The following GALNT13 variants were observed in gnomAD, a reference collection of about 807,000 sequenced individuals.
The protein encoded by GALNT13 is UDP-GalNAc:polypeptide N-acetylgalactosaminyltransferase 13.
In GALNT13, 28 loss-of-function variants were observed where a neutral mutation model predicts 64.2. The observed-to-expected ratio is 0.44, with a 90% confidence interval of 0.32 to 0.60. The LOEUF (loss-of-function observed/expected upper bound fraction) is 0.60. Ranked by LOEUF, GALNT13 falls within the 20% of genes least tolerant of loss-of-function variation. The pLI is 0.05. For synonymous variants in GALNT13, 214 were observed against 224.6 expected, an observed-to-expected ratio of 0.95 and a Z score of 0.42; for missense variants, 577 against 669.8, an observed-to-expected ratio of 0.86 and a Z score of 1.53.
the GALNT13 span, among the ~76,000 whole-genome samples, chr2:153,164,499 T>C: frequency 3.9e-5 from 6 of 152,324 alleles, no homozygotes; most frequent in East Asian, 9.7e-4. Context: ...TTTTGTTTTA[T>C]TGAGGTATAA....
the GALNT13 span, among the ~76,000 whole-genome samples, chr2:153,498,926 C>T: frequency 6.6e-6 from 1 of 152,180 alleles, no homozygotes; most frequent in South Asian, 2.1e-4. Context: ...CCGCTCACTG[C>T]AAGCTCCGCC....
chr2:154,240,802 G>GC (rs1689441351), intron 4 of GALNT13, among the ~76,000 whole-genome samples: 1 of 152,180 alleles, frequency 6.6e-6, no homozygotes, highest in Non-Finnish European at 1.5e-5. Flanking sequence ...TTGGTGTACC[G>GC]GAAGAGTCAC....
the GALNT13 span, among the ~76,000 whole-genome samples, chr2:153,248,816 GA>G: frequency 4.4e-5 from 6 of 136,068 alleles, no homozygotes; most frequent in Middle Eastern, 4.0e-3. Context: ...ACTCTGTCTC[GA>G]AAAAAAAAAA....
chr2:154,398,052 A>T (rs1699137147), intron 10 of GALNT13, among the ~76,000 whole-genome samples: 1 of 152,214 alleles, frequency 6.6e-6, no homozygotes, highest in South Asian at 2.1e-4. Context: ...TAGTCTTTGC[A>T]TGTTAGTTAT....
chr2:154,018,435 T>C (rs2105268523), intron 3 of GALNT13, among the ~76,000 whole-genome samples: 1 of 152,262 alleles, frequency 6.6e-6, no homozygotes, highest in East Asian at 1.9e-4. Context: ...TAGATATCAG[T>C]CTCTGCGGTC....
the GALNT13 span, among the ~76,000 whole-genome samples, chr2:153,481,073 A>G: frequency 6.6e-6 from 1 of 152,092 alleles, no homozygotes; most frequent in Admixed American, 6.5e-5. Flanking sequence ...AGGTTTAAGG[A>G]CTAATTAGTC....
At chr2:153,074,907 A>T in the GALNT13 span, among the ~76,000 whole-genome samples, 1 of 152,060 alleles carries the variant, frequency 6.6e-6, no homozygotes, top group Non-Finnish European at 1.5e-5. Context: ...TAATTTTTAA[A>T]CTTTTTATAA....
chr2:154,070,259 C>T (rs981046), intron 3 of GALNT13, among the ~76,000 whole-genome samples: 114,911 of 152,090 alleles, frequency 0.76, 43,790 homozygotes, highest in East Asian at 0.96. Flanking sequence ...AAGTGGTGTT[C>T]CATGTTGCTT....
chr2:153,905,737 C>CT (rs1192780532), intron 2 of GALNT13, among the ~76,000 whole-genome samples: 1 of 152,024 alleles, frequency 6.6e-6, no homozygotes, highest in African/African-American at 2.4e-5. Context: ...GAGCAAACAA[C>CT]TTTTTCCCTT....
At chr2:153,822,633 G>T in the GALNT13 span, among the ~76,000 whole-genome samples, 16 of 151,896 alleles carry the variant, frequency 1.1e-4, no homozygotes, top group African/African-American at 3.9e-4. Context: ...GTACTGAATG[G>T]ACAAAAGCTG....
At chr2:154,013,719 G>T (rs1432648761) in intron 3 of GALNT13, among the ~76,000 whole-genome samples, 1 of 152,196 alleles carries the variant, frequency 6.6e-6, no homozygotes, top group Non-Finnish European at 1.5e-5. Context: ...GCTGGCAGGG[G>T]TGGGCAAGGC....
intron 11 of GALNT13, chr2:154,437,366 C>G (rs1198095782): frequency 2.3e-5 from 7 of 309,694 alleles, no homozygotes; most frequent in Non-Finnish European, 4.1e-5. Context: ...GCTTACGGAG[C>G]TCCAGAGTTT....
chr2:154,193,069 G>A (rs544376445), intron 4 of GALNT13, among the ~76,000 whole-genome samples: 1 of 152,180 alleles, frequency 6.6e-6, no homozygotes, highest in Admixed American at 6.5e-5. Context: ...GTGTTTGTGT[G>A]TCAGATCAAC....
At chr2:153,103,258 G>A in the GALNT13 span, among the ~76,000 whole-genome samples, 6 of 151,614 alleles carry the variant, frequency 4.0e-5, no homozygotes, top group African/African-American at 7.3e-5. Flanking sequence ...CACTGTTCCC[G>A]CACACTGTCC....
chr2:154,212,092 G>A (rs996719774), intron 4 of GALNT13, among the ~76,000 whole-genome samples: 2 of 152,152 alleles, frequency 1.3e-5, no homozygotes. Context: ...ATATTAAGTT[G>A]AGAAGCCAGA....
intron 8 of GALNT13, among the ~76,000 whole-genome samples, chr2:154,270,294 T>C (rs896434232): frequency 6.6e-6 from 1 of 151,898 alleles, no homozygotes; most frequent in Non-Finnish European, 1.5e-5. Context: ...AACATTCAAT[T>C]TGGAGACATG....
the GALNT13 span, among the ~76,000 whole-genome samples, chr2:153,852,528 T>G: frequency 6.6e-6 from 1 of 152,208 alleles, no homozygotes; most frequent in African/African-American, 2.4e-5. Flanking sequence ...TGTATAGAAC[T>G]AAATGAGAAA....
the GALNT13 span, among the ~76,000 whole-genome samples, chr2:153,723,757 G>A: frequency 6.6e-6 from 1 of 151,480 alleles, no homozygotes; most frequent in Non-Finnish European, 1.5e-5. Context: ...GGGATGTGAA[G>A]GACCTCTTCA....
chr2:154,346,482 G>C (rs541438854), intron 9 of GALNT13, among the ~76,000 whole-genome samples: 1 of 152,012 alleles, frequency 6.6e-6, no homozygotes, highest in African/African-American at 2.4e-5. Flanking sequence ...TCGTGGGCGT[G>C]GTTTCCCCAT....
Sources: allele counts gnomAD v4.1 joint callset (sites outside exome capture counted in the v4.1 genomes callset), GRCh38; gene constraint gnomAD v4.1.1; transcripts MANE v1.5; gene names NCBI Gene and HGNC (gene_info 2026-07-23, HGNC 2026-07-21).